Variants in LRP5 observed in about 807,000 individuals in gnomAD.
The protein encoded by LRP5 is low-density lipoprotein receptor-related protein 5.
A neutral mutation model predicts 154.1 loss-of-function variants in LRP5; 62 were observed. The observed-to-expected ratio is 0.40, with a 90% CI of 0.33 to 0.50. The LOEUF is 0.50. Ranked by LOEUF, LRP5 falls within the 20% of genes least tolerant of loss-of-function variation. LRP5 has a pLI of 0.55. For synonymous variants in LRP5, 966 were observed against 1,011.5 expected, an observed-to-expected ratio of 0.96 and a Z score of 0.85; for missense variants, 1,915 against 2,336.7, an observed-to-expected ratio of 0.82 and a Z score of 3.72.
At chr11:68,439,192 C>T (rs1162142249) in intron 20 of LRP5, among the ~76,000 whole-genome samples, 2 of 152,228 alleles carry the variant, frequency 1.3e-5, no homozygotes, top group Non-Finnish European at 2.9e-5. Flanking sequence ...GTTTGTATCA[C>T]ATGGGTGACC....
intron 7 of LRP5, among the ~76,000 whole-genome samples, chr11:68,398,937 A>AT (rs2098651125): frequency 6.6e-6 from 1 of 151,898 alleles, no homozygotes; most frequent in South Asian, 2.1e-4. Flanking sequence ...GGGTCTTTCT[A>AT]TGTTGCCCAG....
chr11:68,407,320 C>CA (rs1286282621), intron 9 of LRP5, among the ~76,000 whole-genome samples: 3 of 151,854 alleles, frequency 2.0e-5, no homozygotes, highest in South Asian at 2.1e-4. Flanking sequence ...AGACATGCAC[C>CA]ACCACACCCA....
chr11:68,359,803 T>G (rs1411027026), intron 3 of LRP5, among the ~76,000 whole-genome samples: 59 of 151,680 alleles, frequency 3.9e-4, no homozygotes, highest in African/African-American at 1.3e-3. Context: ...TTTTTTTTTT[T>G]TGGGATGGAG....
At chr11:68,395,233 G>A (rs1262321584) in intron 7 of LRP5, among the ~76,000 whole-genome samples, 10 of 151,130 alleles carry the variant, frequency 6.6e-5, no homozygotes, top group African/African-American at 1.2e-4. Flanking sequence ...CCTGGGAGGC[G>A]GAGGTTGCAG....
At chr11:68,433,913 G>A (rs150717018) in intron 18 of LRP5, 75 bp downstream of exon 18, 18 of 1,401,098 alleles carry the variant, frequency 1.3e-5, no homozygotes, top group Middle Eastern at 2.1e-4. Flanking sequence ...GGCTGCCTCC[G>A]GCCTCACAGG....
chr11:68,375,467 C>T (rs1487537098), intron 5 of LRP5, among the ~76,000 whole-genome samples: 1 of 152,212 alleles, frequency 6.6e-6, no homozygotes, highest in Admixed American at 6.5e-5. Context: ...GCTGTGCCCA[C>T]CACCTGGAGC....
intron 5 of LRP5, among the ~76,000 whole-genome samples, chr11:68,374,033 T>C (rs1215428435): frequency 6.6e-6 from 1 of 152,198 alleles, no homozygotes; most frequent in African/African-American, 2.4e-5. Flanking sequence ...GGGGTGCGGC[T>C]TGGGGATTTG....
At chr11:68,417,112 A>T (rs766891766) in intron 13 of LRP5, among the ~76,000 whole-genome samples, 13 of 152,242 alleles carry the variant, frequency 8.5e-5, no homozygotes, top group Non-Finnish European at 1.6e-4. Flanking sequence ...GCTGCAATAA[A>T]TACGGCACTT....
chr11:68,315,348 T>A (rs373120489), intron 1 of LRP5, among the ~76,000 whole-genome samples: 26 of 152,336 alleles, frequency 1.7e-4, no homozygotes, highest in African/African-American at 6.3e-4. Flanking sequence ...ATTTTTCCTG[T>A]ATGACCTTGG....
chr11:68,350,869 T>C (rs566436126), intron 2 of LRP5, among the ~76,000 whole-genome samples: 94 of 151,854 alleles, frequency 6.2e-4, no homozygotes, highest in African/African-American at 2.2e-3. Flanking sequence ...AGCAACTGAG[T>C]GTGGGAGTGG....
At chr11:68,341,059 C>CT (rs576462333) in intron 1 of LRP5, among the ~76,000 whole-genome samples, 1,549 of 83,458 alleles carry the variant, frequency 0.019, 102 homozygotes, top group Admixed American at 0.027. Context: ...GGAGATTGTT[C>CT]TTTTTTTTTT....
chr11:68,348,042 G>C lies in LRP5; in HGVS notation c.287G>C (p.Gly96Ala). ...AIKQTYLNQT[G>A]AAVQNVVISG... ...AAGCAGACCTACCTGAACCAGACGG[G>C]GGCCGCCGTGCAGAACGTGGTCATC... Residue 96 changes from glycine to alanine, a missense_variant, in exon 2 of 23, where the codon GGG (glycine) becomes GCG (alanine). Around this residue, in one of 3 missense-constraint regions of LRP5, gnomAD observed 773 missense variants for 1,100.9 expected, o/e 0.70. Coordinates refer to ENST00000294304, the MANE Select transcript of LRP5 (RefSeq NM_002335.4). 1.2e-6 allele frequency: 2 copies of C among 1,614,010 alleles called. No individual in the cohort carries two copies. The highest frequency in any genetic ancestry group is 1.1e-5 in the South Asian group (1 of 91,082).
chr11:68,421,097 G>T (rs2098665329), intron 13 of LRP5, among the ~76,000 whole-genome samples: 1 of 151,740 alleles, frequency 6.6e-6, no homozygotes, highest in Non-Finnish European at 1.5e-5. Context: ...TGTGGTGGCG[G>T]GCACCTGTAG....
chr11:68,376,803 G>A (rs1011727213), intron 5 of LRP5, among the ~76,000 whole-genome samples: 2 of 152,214 alleles, frequency 1.3e-5, no homozygotes, highest in African/African-American at 4.8e-5. Context: ...TGCCTAAAGG[G>A]GGGAGTGTGG....
In LRP5 at chr11:68,423,670, G is replaced by A. The variant is rs1434431087; in HGVS notation, c.3209G>A (p.Arg1070Lys). 6.2e-7 allele frequency: 1 copy of A among 1,613,472 alleles called. No individual in the cohort carries two copies. The change falls in exon 14 of 23, where the codon AGG (arginine) becomes AAG (lysine). Residue 1070 changes from arginine (R) to lysine (K), a missense_variant. This residue lies in a region of LRP5 where 1,094 missense variants were observed against 1,210.1 expected (regional missense o/e 0.90). Transcript: ENST00000294304. The surrounding 1 kb of genome is among the most constrained non-coding windows in gnomAD (Gnocchi z 4.7). ...CTGCGTGGGGACCGCGACAAGCCCAGGGCCATCGTCGTCAACGCGGAGCGA... is the reference window on the plus strand; with the variant it reads ...CTGCGTGGGGACCGCGACAAGCCCAAGGCCATCGTCGTCAACGCGGAGCGA... Reference protein sequence around the residue: ...VVLRGDRDKPRAIVVNAERGY... With the variant: ...VVLRGDRDKPKAIVVNAERGY...
chr11:68,310,603 G>A (rs955864077), upstream of LRP5, among the ~76,000 whole-genome samples: 1 of 152,084 alleles, frequency 6.6e-6, no homozygotes, highest in Admixed American at 6.6e-5. Flanking sequence ...CTGGGCAACA[G>A]AGTGAGATCC....
intron 8 of LRP5, among the ~76,000 whole-genome samples, chr11:68,405,654 A>G (rs1257452977): frequency 2.0e-5 from 3 of 152,180 alleles, no homozygotes; most frequent in Admixed American, 6.5e-5. Context: ...TGGTTTGCTA[A>G]AGGAGATGGG....
intron 17 of LRP5, among the ~76,000 whole-genome samples, chr11:68,430,977 C>T (rs963917706): frequency 1.3e-5 from 2 of 152,226 alleles, no homozygotes; most frequent in African/African-American, 4.8e-5. Flanking sequence ...TAACAGGGCA[C>T]TCCACCTGGA....
At chr11:68,444,549 C>T (rs1399839266) in intron 21 of LRP5, among the ~76,000 whole-genome samples, 44 of 308 alleles carry the variant, frequency 0.14, no homozygotes, top group African/African-American at 0.17. Flanking sequence ...GCAGATGAGC[C>T]GAGTGGCCTC....
Sources: allele counts gnomAD v4.1 joint callset (sites outside exome capture counted in the v4.1 genomes callset), GRCh38; gene constraint gnomAD v4.1.1; regional missense constraint gnomAD v4.1.1; non-coding constraint Gnocchi (gnomAD v3.1); transcripts MANE v1.5; gene names NCBI Gene and HGNC (gene_info 2026-07-23, HGNC 2026-07-21).